The following MEI4 variants were observed in gnomAD, a reference collection of about 807,000 sequenced individuals.
MEI4 encodes the protein meiosis-specific protein MEI4.
MEI4 carries 27 observed loss-of-function variants against 31.4 expected under a neutral mutation model. The ratio of observed to expected loss-of-function variants is 0.86; its 90% CI spans 0.63 to 1.19. MEI4 has a LOEUF of 1.19. Among genes scored for constraint, MEI4 ranks in the 50% most tolerant of loss-of-function variants. The pLI, the probability that MEI4 is intolerant of heterozygous loss-of-function variation, is 0.00. For synonymous variants in MEI4, 122 were observed against 145.4 expected (o/e 0.84, Z 1.16); for missense variants, 329 against 398.9 (o/e 0.82, Z 1.49).
chr6:77,655,082 T>G (rs566973041), intron 1 of MEI4, among the ~76,000 whole-genome samples: 21 of 152,120 alleles, frequency 1.4e-4, no homozygotes, highest in African/African-American at 4.8e-4. Flanking sequence ...CAGGCCCCGG[T>G]GTGTGATGTT....
chr6:77,909,234 C>T (rs543857200), intron 4 of MEI4, among the ~76,000 whole-genome samples: 1 of 151,822 alleles, frequency 6.6e-6, no homozygotes, highest in African/African-American at 2.4e-5. Context: ...GATAGAGACA[C>T]AAAAAACCCT....
At chr6:77,759,924 C>T (rs1356382113) in intron 2 of MEI4, among the ~76,000 whole-genome samples, 1 of 152,132 alleles carries the variant, frequency 6.6e-6, no homozygotes, top group Non-Finnish European at 1.5e-5. Context: ...CCACTGCTGA[C>T]AGCCATATTT....
intron 4 of MEI4, among the ~76,000 whole-genome samples, chr6:77,881,322 T>G (rs980861035): frequency 3.3e-5 from 5 of 152,222 alleles, no homozygotes; most frequent in Non-Finnish European, 7.3e-5. Flanking sequence ...CAGAACCCTT[T>G]TTTCAGGAAG....
At chr6:77,759,761 G>T (rs943871244) in intron 2 of MEI4, among the ~76,000 whole-genome samples, 1 of 152,074 alleles carries the variant, frequency 6.6e-6, no homozygotes, top group Non-Finnish European at 1.5e-5. Context: ...TTCACCCAAT[G>T]TTGGGACTAA....
rs151257136 is a variant in MEI4, at chr6:77,684,266, A to G, written c.-14-6392A>G. Reference sequence around the variant, plus strand: ...CGTTTTTTAAAAATTTTGTGGGTACATAGTAGGTGTATATATTTATGGGGT... The same window carrying G: ...CGTTTTTTAAAAATTTTGTGGGTACGTAGTAGGTGTATATATTTATGGGGT... On this transcript the variant is annotated intron_variant, in intron 1 of 4. Coordinates refer to ENST00000684080, the MANE Select transcript of MEI4 (RefSeq NM_001322247.2). Among the ~76,000 whole-genome samples the G allele has an allele frequency of 1.7e-4, 26 of 151,238 alleles. No homozygotes were observed. The East Asian group carries it at 5.0e-3, about 29-fold the overall frequency.
At chr6:77,720,560 A>G (rs1459638545) in intron 2 of MEI4, among the ~76,000 whole-genome samples, 3 of 141,948 alleles carry the variant, frequency 2.1e-5, no homozygotes, top group South Asian at 2.2e-4. Context: ...ATGAAGGTAC[A>G]TGCGTGACAC....
intron 3 of MEI4, among the ~76,000 whole-genome samples, chr6:77,801,714 G>T (rs573175656): frequency 1.3e-5 from 2 of 152,196 alleles, no homozygotes; most frequent in Admixed American, 1.3e-4. Context: ...GTTTATTTCT[G>T]CCTTCATTTT....
chr6:77,774,291 A>G (rs1279692755), intron 3 of MEI4, among the ~76,000 whole-genome samples: 1 of 152,136 alleles, frequency 6.6e-6, no homozygotes, highest in Non-Finnish European at 1.5e-5. Context: ...ATGGATAAAT[A>G]AAATGTGGTA....
intron 4 of MEI4, among the ~76,000 whole-genome samples, chr6:77,913,541 T>TTATC (rs965461746): frequency 3.9e-5 from 6 of 152,080 alleles, no homozygotes; most frequent in Non-Finnish European, 7.4e-5. Flanking sequence ...AGGAATTTAT[T>TTATC]TATCTCCTCG....
chr6:77,754,790 G>A (rs1767869932), intron 2 of MEI4, among the ~76,000 whole-genome samples: 1 of 152,140 alleles, frequency 6.6e-6, no homozygotes, highest in Non-Finnish European at 1.5e-5. Context: ...CATGCGGAGA[G>A]AGAGAGTGAA....
At position 77,761,616 on chromosome 6, in the gene MEI4, T is replaced by A. The variant is rs916584498; in HGVS notation, c.719T>A (p.Phe240Tyr). Residue 240 changes from phenylalanine to tyrosine, a missense_variant, in exon 3 of 5, where the codon TTT (phenylalanine) becomes TAT (tyrosine). Phe to Tyr is a conservative substitution (Grantham distance 22). Transcript: ENST00000684080. ...AAGTGTTCCAAGAAGTTGGAAGAAT[T>A]TGAGAAAACCCTACTACATGCTATT... ...LKKCSKKLEEFEKTLLHAILG... is the reference protein window; with the variant it reads ...LKKCSKKLEEYEKTLLHAILG... 1.6e-6 allele frequency: 2 copies of A among 1,231,854 alleles called. No homozygotes were observed. The highest frequency in any genetic ancestry group is 8.4e-5 in the Admixed American group (2 of 23,690). 76.3% of individuals were successfully genotyped at this position (1,231,854 alleles called of 1,614,324 possible). A position where few individuals can be genotyped will look rare whatever the true frequency, so the allele number is the denominator to read the frequency against.
chr6:77,879,028 T>C (rs1156546679), intron 4 of MEI4, among the ~76,000 whole-genome samples: 7 of 152,090 alleles, frequency 4.6e-5, no homozygotes, highest in Non-Finnish European at 8.8e-5. Flanking sequence ...TGCTGAGAAA[T>C]AGAATCATTA....
At chr6:77,816,237 CAT>C (rs1272297587) in intron 3 of MEI4, among the ~76,000 whole-genome samples, 3 of 152,024 alleles carry the variant, frequency 2.0e-5, no homozygotes, top group African/African-American at 7.2e-5. Flanking sequence ...TTAATTTTAG[CAT>C]AGTTGATTAT....
intron 4 of MEI4, among the ~76,000 whole-genome samples, chr6:77,868,602 T>C (rs1771118577): frequency 6.8e-6 from 1 of 147,824 alleles, no homozygotes; most frequent in African/African-American, 2.5e-5. Context: ...GATTCTCCCT[T>C]TTTCCAGATA....
intron 4 of MEI4, among the ~76,000 whole-genome samples, chr6:77,912,858 GT>G (rs1458197056): frequency 6.6e-6 from 1 of 152,046 alleles, no homozygotes; most frequent in Non-Finnish European, 1.5e-5. Context: ...AAATATTAGA[GT>G]TAAACTAGGT....
chr6:77,679,879 T>G (rs1389059659), intron 1 of MEI4, among the ~76,000 whole-genome samples: 1 of 151,254 alleles, frequency 6.6e-6, no homozygotes, highest in Non-Finnish European at 1.5e-5. Flanking sequence ...TAGCTGGGAT[T>G]ACAGGTATGC....
intron 2 of MEI4, among the ~76,000 whole-genome samples, chr6:77,739,320 C>A (rs1767336683): frequency 6.6e-6 from 1 of 152,100 alleles, no homozygotes; most frequent in Non-Finnish European, 1.5e-5. Context: ...GTTTTCCCAG[C>A]ACTATTTATT....
At position 77,926,188 on chromosome 6, in the gene MEI4, C is replaced by T. The variant is rs1766839976; in HGVS notation, c.*2842C>T. ...TCATCAAAGCTTTATACATGCTTAA[C>T]TATGAACCTTAAGGCACAACAGTGG... On this transcript the variant is annotated 3_prime_UTR_variant, in exon 5 of 5. Transcript: ENST00000684080. The T allele has an allele frequency of 6.6e-6, 1 of 151,930 alleles. No homozygotes were observed. The highest frequency in any genetic ancestry group is 1.9e-4 in the East Asian group (1 of 5,170). The allele number at this position is 151,930 out of a possible 1,614,324, so 9.4% of individuals were successfully genotyped here.
intron 1 of MEI4, among the ~76,000 whole-genome samples, chr6:77,690,340 C>T (rs1769135364): frequency 6.6e-6 from 1 of 151,976 alleles, no homozygotes; most frequent in African/African-American, 2.4e-5. Flanking sequence ...TGAAAGCTCC[C>T]TCAGAGATTC....
Sources: allele counts gnomAD v4.1 joint callset (sites outside exome capture counted in the v4.1 genomes callset), GRCh38; gene constraint gnomAD v4.1.1; transcripts MANE v1.5; gene names NCBI Gene and HGNC (gene_info 2026-07-23, HGNC 2026-07-21).